Variants in EXD3 observed in about 807,000 individuals in gnomAD.
EXD3 encodes exonuclease 3'-5' domain containing 3.
In EXD3, 92 loss-of-function variants were observed where a neutral mutation model predicts 98.0. The observed-to-expected ratio is 0.94, with a 90% CI of 0.79 to 1.12. The LOEUF (loss-of-function observed/expected upper bound fraction) is 1.12, where lower values mean the gene tolerates loss of function less well. EXD3 is among the 50% of genes most tolerant of loss of function. EXD3 has a pLI of 0.00. For missense variants in EXD3, 1,222 were observed against 1,191.6 expected, an observed-to-expected ratio of 1.03 and a Z score of -0.38; for synonymous variants, 569 against 526.0, an observed-to-expected ratio of 1.08 and a Z score of -1.12.
At chr9:137,329,906 G>GGGACTACACA (rs1197212434) in intron 17 of EXD3, among the ~76,000 whole-genome samples, 2,561 of 45,568 alleles carry the variant, frequency 0.056, 325 homozygotes, top group East Asian at 0.13. Flanking sequence ...GGAGCTACAC[G>GGGACTACACA]GGACTACACA....
At position 137,324,500 on chromosome 9, in the gene EXD3, C is replaced by T. The variant is rs560596198; in HGVS notation, c.1999-357G>A. On this transcript the variant is annotated intron_variant, in intron 17 of 21. Coordinates refer to ENST00000340951, the MANE Select transcript of EXD3 (RefSeq NM_017820.5). The surrounding 1 kb of genome is among the most constrained non-coding windows in gnomAD (Gnocchi z 4.1). ...GAGATTTGAAAACACAGTAACTTGC[C>T]CCTAGCTCATAGGGAGCCAACTACA... Among the ~76,000 whole-genome samples the T allele has an allele frequency of 2.6e-5, 4 of 152,094 alleles. No homozygotes were observed. The South Asian group carries it at 8.3e-4, about 32-fold the overall frequency.
chr9:137,368,708 G>C (rs910697640), intron 5 of EXD3, among the ~76,000 whole-genome samples: 1 of 152,250 alleles, frequency 6.6e-6, no homozygotes, highest in South Asian at 2.1e-4. Context: ...GGAAAGCCTC[G>C]AGCCGGCTTC....
intron 7 of EXD3, among the ~76,000 whole-genome samples, chr9:137,358,082 A>G (rs538420278): frequency 1.3e-5 from 2 of 152,244 alleles, no homozygotes; most frequent in African/African-American, 4.8e-5. Context: ...CCTCACAGAC[A>G]CACCCAGGAT....
At position 137,407,271 on chromosome 9, in the gene EXD3, G is replaced by C. The variant is rs906410191; in HGVS notation, c.-47-11867C>G. Among the ~76,000 whole-genome samples the C allele has an allele frequency of 2.6e-5, 4 of 152,172 alleles. No homozygotes were observed. The highest frequency in any genetic ancestry group is 7.2e-5 in the African/African-American group (3 of 41,458). Reference sequence around the variant, plus strand: ...TGGGTCTCCGTTTCCCACCAGGCCAGCGCTGCAGGCAGAGCCCAGCCCGGC... The same window carrying C: ...TGGGTCTCCGTTTCCCACCAGGCCACCGCTGCAGGCAGAGCCCAGCCCGGC... On this transcript the variant is annotated intron_variant, in intron 1 of 21. Coordinates refer to ENST00000340951, the MANE Select transcript of EXD3 (RefSeq NM_017820.5). This position sits in a 1 kb window ranked among gnomAD's most constrained non-coding sequence, Gnocchi z 4.4.
In EXD3 at chr9:137,314,302, G is replaced by C. The variant is rs368981566; in HGVS notation, c.2185-4602C>G. On this transcript the variant is annotated intron_variant, in intron 19 of 21. Coordinates refer to ENST00000340951, the MANE Select transcript of EXD3 (RefSeq NM_017820.5). ...CGACACTGTCCCCTGCTGTGGCACT[G>C]TGAGCCTCTTCAGAGAGAAGGGAGT... Among the ~76,000 whole-genome samples the C allele has an allele frequency of 9.8e-5, 15 of 152,340 alleles. No homozygotes were observed. The East Asian group carries it at 1.4e-3, about 14-fold the overall frequency.
At chr9:137,352,553 G>T in intron 11 of EXD3, 67 bp downstream of exon 11, 1 of 1,403,250 alleles carries the variant, frequency 7.1e-7, no homozygotes, top group Non-Finnish European at 9.4e-7. Flanking sequence ...GTGAGCTGTC[G>T]TCCCAAGGGT....
intron 19 of EXD3, 141 bp from the exon 20 acceptor site, chr9:137,309,841 C>G (rs565349882): frequency 3.7e-5 from 24 of 655,226 alleles, no homozygotes; most frequent in Non-Finnish European, 6.0e-5. Context: ...CCTGTCCCCA[C>G]GCATAGTCCT....
intron 5 of EXD3, among the ~76,000 whole-genome samples, chr9:137,369,414 G>A (rs1422963241): frequency 6.6e-6 from 1 of 152,188 alleles, no homozygotes; most frequent in Non-Finnish European, 1.5e-5. Flanking sequence ...CAGAACCGCA[G>A]GGTGGTCACA....
chr9:137,373,134 A>G, intron 4 of EXD3, 62 bp from the exon 5 acceptor site: 2 of 1,496,754 alleles, frequency 1.3e-6, no homozygotes, highest in Non-Finnish European at 1.8e-6. Flanking sequence ...CATGGGGCCG[A>G]TTGAGGCAGG....
intron 17 of EXD3, among the ~76,000 whole-genome samples, chr9:137,335,094 C>A (rs376813665): frequency 6.0e-4 from 89 of 149,286 alleles, no homozygotes; most frequent in Middle Eastern, 3.4e-3. Context: ...AAAAAAAAAA[C>A]AAACAAAATA....
intron 6 of EXD3, 141 bp downstream of exon 6, chr9:137,367,795 G>A (rs1458654789): frequency 2.7e-6 from 2 of 748,334 alleles, no homozygotes; most frequent in Admixed American, 2.4e-5. Flanking sequence ...GGGGGCTCTG[G>A]AGGCCCTCGC....
intron 7 of EXD3, chr9:137,365,908 T>C (rs748570190): frequency 3.3e-4 from 134 of 400,024 alleles, no homozygotes; most frequent in Non-Finnish European, 5.4e-5. Context: ...CACACATACA[T>C]GCACACACAT....
intron 3 of EXD3, among the ~76,000 whole-genome samples, chr9:137,374,140 C>T (rs1261464387): frequency 1.3e-5 from 2 of 152,276 alleles, no homozygotes; most frequent in Non-Finnish European, 2.9e-5. Context: ...TGCTGTGCAG[C>T]AGCCTCAGCG....
intron 3 of EXD3, among the ~76,000 whole-genome samples, chr9:137,375,032 G>A (rs1293578957): frequency 3.3e-5 from 5 of 150,268 alleles, no homozygotes; most frequent in East Asian, 2.0e-4. Flanking sequence ...TTTTTGAGAC[G>A]GAGTCTCGCT....
At chr9:137,318,334 T>TC (rs1207917637) in intron 19 of EXD3, among the ~76,000 whole-genome samples, 1 of 151,210 alleles carries the variant, frequency 6.6e-6, no homozygotes, top group Non-Finnish European at 1.5e-5. Flanking sequence ...CCCCCCCTCG[T>TC]CCCCCCCATA....
intron 1 of EXD3, among the ~76,000 whole-genome samples, chr9:137,409,445 G>C (rs1183200034): frequency 6.6e-6 from 1 of 152,236 alleles, no homozygotes; most frequent in East Asian, 1.9e-4. Context: ...GGCCCGGCGT[G>C]GTGGCTCACA....
rs549302930 is a variant in EXD3, at chr9:137,316,616, T to TG, written c.2185-6917dup. On this transcript the variant is annotated intron_variant, in intron 19 of 21. Transcript: ENST00000340951. ...GAGCGGTGATGGTCCCGCCATCGAC[T>TG]GGGGGACTTCCTGGAGGAAGCGACG... Among the ~76,000 whole-genome samples, 90 of 152,272 alleles carry TG rather than the reference T, an allele frequency of 5.9e-4. 1 individual carries two copies. Among genetic ancestry groups the TG allele is most frequent in the African/African-American group, 2.1e-3 (86 of 41,566 alleles).
chr9:137,324,074 T>C lies in EXD3; in HGVS notation c.2052+16A>G, dbSNP rs747828565. The C allele has an allele frequency of 1.9e-6, 3 of 1,580,712 alleles. No individual in the cohort carries two copies. The highest frequency in any genetic ancestry group is 3.3e-4 in the Middle Eastern group (2 of 6,050). On this transcript the variant is annotated intron_variant, in intron 18 of 21. Coordinates refer to ENST00000340951, the MANE Select transcript of EXD3 (RefSeq NM_017820.5). This position sits in a 1 kb window ranked among gnomAD's most constrained non-coding sequence, Gnocchi z 4.1. ...ATGGGGCTCAGGCCCACTGAGCTTATCTTTGGGACACTCACCTTGTGGAAT... is the reference window on the plus strand; with the variant it reads ...ATGGGGCTCAGGCCCACTGAGCTTACCTTTGGGACACTCACCTTGTGGAAT...
rs1675385063 is a variant in EXD3 at position 137,403,132 on chromosome 9, G to A, written c.-47-7728C>T. 6.6e-6 allele frequency among the ~76,000 whole-genome samples: 1 copy of A among 151,944 alleles called. No individual in the cohort carries two copies. Among genetic ancestry groups the A allele is most frequent in the Non-Finnish European group, 1.5e-5 (1 of 67,998 alleles). On this transcript the variant is annotated intron_variant, in intron 1 of 21. Coordinates refer to ENST00000340951, the MANE Select transcript of EXD3 (RefSeq NM_017820.5). This position sits in a 1 kb window ranked among gnomAD's most constrained non-coding sequence, Gnocchi z 6.1. ...GGCTCGGCTTGGCTCATTTCCTGCA[G>A]GATCCCCGGCGCTGACCCCTCTCCC...
Sources: allele counts gnomAD v4.1 joint callset (sites outside exome capture counted in the v4.1 genomes callset), GRCh38; gene constraint gnomAD v4.1.1; non-coding constraint Gnocchi (gnomAD v3.1); transcripts MANE v1.5; gene names NCBI Gene and HGNC (gene_info 2026-07-23, HGNC 2026-07-21).